Variants in TRIM48 observed in about 807,000 individuals in gnomAD.
TRIM48 encodes the protein E3 ubiquitin-protein ligase TRIM48.
Under a neutral mutation model 29.5 loss-of-function variants are expected in TRIM48, and 31 were observed. The observed-to-expected ratio is 1.05, with a 90% confidence interval of 0.79 to 1.42. The LOEUF is 1.42. Among genes scored for constraint, TRIM48 ranks in the 40% most tolerant of loss-of-function variants. TRIM48 has a pLI of 0.00. For synonymous variants in TRIM48, 128 were observed against 90.6 expected (o/e 1.41, Z -2.34); for missense variants, 344 against 265.0 (o/e 1.30, Z -2.07).
At chr11:55,267,633 C>T in intron 3 of TRIM48, 6 of 1,563,250 alleles carry the variant, frequency 3.8e-6, no homozygotes, top group Non-Finnish European at 5.2e-6. Context: ...TGTGGAGCTA[C>T]TTCAGGTACA....
chr11:55,264,141 T>TGTG (rs1590620075), intron 1 of TRIM48, among the ~76,000 whole-genome samples: 1 of 122,150 alleles, frequency 8.2e-6, no homozygotes, highest in Non-Finnish European at 1.8e-5. Context: ...CTCTTTAAGT[T>TGTG]TAACAAAAAT....
At position 55,270,574 on chromosome 11, in the gene TRIM48, G is replaced by T; in HGVS notation, c.*139G>T. 5 of 1,583,568 alleles carry T rather than the reference G, an allele frequency of 3.2e-6. 1 individual carries two copies. On this transcript the variant is annotated 3_prime_UTR_variant, in exon 6 of 6. Coordinates refer to ENST00000417545, the MANE Select transcript of TRIM48 (RefSeq NM_024114.5). ...ACCTACAAGTTTTCTTGCATGGGGT[G>T]CTCAGACTTTCACCTCTGGCAAATA...
intron 3 of TRIM48, chr11:55,267,652 A>G (rs1857413949): frequency 1.9e-6 from 3 of 1,565,562 alleles, no homozygotes; most frequent in African/African-American, 2.7e-5. Flanking sequence ...CAAACTCGCA[A>G]TGTGGTTTCA....
rs529287479 is a variant in TRIM48, at chr11:55,271,035, G to T, written c.*600G>T. The T allele has an allele frequency of 3.0e-5, 42 of 1,391,530 alleles. 6 individuals carry two copies. In the South Asian group the frequency reaches 5.9e-4, roughly 19 times the overall value. The allele number at this position is 1,391,530 out of a possible 1,614,324, so 86.2% of individuals were successfully genotyped here. A position where few individuals can be genotyped will look rare whatever the true frequency, so the allele number is the denominator to read the frequency against. ...TTATCAAACAGGACAAATAGGTTCG[G>T]TTTTATGTCTTGAATTGCATTCTAA... is the stretch of plus-strand genomic sequence containing the variant. On this transcript the variant is annotated 3_prime_UTR_variant, in exon 6 of 6. Coordinates refer to ENST00000417545, the MANE Select transcript of TRIM48 (RefSeq NM_024114.5).
Position 55,270,943 on chromosome 11 carries a change from A to G in TRIM48, c.*508A>G. On this transcript the variant is annotated 3_prime_UTR_variant, in exon 6 of 6. Coordinates refer to ENST00000417545, the MANE Select transcript of TRIM48 (RefSeq NM_024114.5). Reference sequence around the variant, plus strand: ...TTTCTGTATTCTCCTCTGACCAGAGACAAATCAGAAATGTGTTCATCTGCT... The same window carrying G: ...TTTCTGTATTCTCCTCTGACCAGAGGCAAATCAGAAATGTGTTCATCTGCT... 6.4e-7 allele frequency: 1 copy of G among 1,556,478 alleles called. No individual in the cohort carries two copies. Among genetic ancestry groups the G allele is most frequent in the South Asian group, 1.2e-5 (1 of 82,562 alleles).
At chr11:55,262,783 T>A (rs1199238976) in intron 1 of TRIM48, among the ~76,000 whole-genome samples, 1 of 146,324 alleles carries the variant, frequency 6.8e-6, no homozygotes, top group Non-Finnish European at 1.5e-5. Context: ...CATCCCAGTT[T>A]GGAAATCAAA....
Position 55,269,487 on chromosome 11 carries a change from G to T in TRIM48, c.*1+148G>T, listed in dbSNP as rs1857446091. The T allele has an allele frequency of 7.9e-6, 9 of 1,144,236 alleles. 2 individuals are homozygous for T. Among genetic ancestry groups the T allele is most frequent in the South Asian group, 3.4e-5 (2 of 59,024 alleles). 70.9% of individuals were successfully genotyped at this position (1,144,236 alleles called of 1,614,324 possible). A position where few individuals can be genotyped will look rare whatever the true frequency, so the allele number is the denominator to read the frequency against. ...AATCATGCAACCCTTTTGTATCTGT[G>T]TCTGTATAGTCAGATTTATAGCATT... is the stretch of plus-strand genomic sequence containing the variant. On this transcript the variant is annotated intron_variant, in intron 5 of 5. Transcript: ENST00000417545.
chr11:55,266,240 T>A (rs1241771196), intron 3 of TRIM48, among the ~76,000 whole-genome samples: 1 of 147,560 alleles, frequency 6.8e-6, no homozygotes, highest in Admixed American at 6.9e-5. Context: ...AAATATGGAT[T>A]TGTGTCTTGA....
Position 55,265,533 on chromosome 11 carries a change from C to A in TRIM48, c.460-67C>A, listed in dbSNP as rs762124362. On this transcript the variant is annotated intron_variant, in intron 2 of 5. Transcript: ENST00000417545. The stretch of plus-strand genomic sequence containing the variant: ...TTTGTCTCTCATTCTGGGCCCCCTC[C>A]CAATGAAACGGTCTGTATGTTACTT... 1.4e-4 allele frequency: 220 copies of A among 1,538,828 alleles called. 21 individuals are homozygous for A. Among genetic ancestry groups the A allele is most frequent in the Admixed American group, 8.9e-5 (5 of 56,280 alleles).
rs371494088 is a variant in TRIM48 at position 55,269,378 on chromosome 11, ATAT to A, written c.*1+47_*1+49del. 7.4e-5 allele frequency: 115 copies of A among 1,559,876 alleles called. 8 individuals carry two copies. In the African/African-American group the frequency reaches 1.0e-3, roughly 14 times the overall value. On this transcript the variant is annotated intron_variant, in intron 5 of 5. Coordinates refer to ENST00000417545, the MANE Select transcript of TRIM48 (RefSeq NM_024114.5). Reference sequence around the variant, plus strand: ...CACAGGCAGCACCCCCACTATCTAAATATTATTATTGTTAGGATCACATAGGTA... The same window carrying A: ...CACAGGCAGCACCCCCACTATCTAAATATTATTGTTAGGATCACATAGGTA...
At chr11:55,265,797 C>CAA (rs34036307) in intron 3 of TRIM48, 102 bp downstream of exon 3, 102,466 of 835,724 alleles carry the variant, frequency 0.12, 4,911 homozygotes, top group Admixed American at 0.22. Flanking sequence ...TTCTGGGAGT[C>CAA]AAAAAAAAAA....
rs377379499 is a variant in TRIM48 at position 55,264,978 on chromosome 11, G to T, written c.123G>T (p.Pro41=). 2 of 1,584,238 alleles carry T rather than the reference G, an allele frequency of 1.3e-6. No individual in the cohort carries two copies. Among genetic ancestry groups the T allele is most frequent in the African/African-American group, 2.7e-5 (2 of 73,524 alleles). ...TCTGCATGAACTACTTCATAGACCC[G>T]GTCACCATAGACTGTGGGCACAGCT... ...CPICMNYFID[P]VTIDCGHSFC... is the part of the protein sequence containing the mutation. The change falls in exon 2 of 6, where the codon CCG becomes CCT. Residue 41 remains proline, a synonymous_variant. Coordinates refer to ENST00000417545, the MANE Select transcript of TRIM48 (RefSeq NM_024114.5).
chr11:55,267,828 T>A (rs1857416573), intron 3 of TRIM48, among the ~76,000 whole-genome samples: 1 of 147,976 alleles, frequency 6.8e-6, no homozygotes, highest in African/African-American at 2.5e-5. Context: ...AGGTCCCTCC[T>A]ACTTTATCCA....
At position 55,270,920 on chromosome 11, in the gene TRIM48, T is replaced by G. The variant is rs574349847; in HGVS notation, c.*485T>G. ...TCACTTCCTCTCAGACCTATCTTTT[T>G]CTGTATTCTCCTCTGACCAGAGACA... On this transcript the variant is annotated 3_prime_UTR_variant, in exon 6 of 6. Coordinates refer to ENST00000417545, the MANE Select transcript of TRIM48 (RefSeq NM_024114.5). The G allele has an allele frequency of 2.2e-5, 35 of 1,557,158 alleles. 2 individuals carry two copies. Among genetic ancestry groups the G allele is most frequent in the Non-Finnish European group, 3.0e-5 (34 of 1,145,534 alleles).
At chr11:55,262,747 G>GA (rs1379623310) in intron 1 of TRIM48, among the ~76,000 whole-genome samples, 5 of 151,794 alleles carry the variant, frequency 3.3e-5, no homozygotes, top group Admixed American at 2.6e-4. Flanking sequence ...TAGTGAAACT[G>GA]AAAAAAATGA....
intron 5 of TRIM48, 81 bp from the exon 6 acceptor site, chr11:55,270,356 A>T: frequency 5.1e-6 from 6 of 1,183,622 alleles, no homozygotes; most frequent in Non-Finnish European, 6.9e-6. Context: ...TTTTGATAGA[A>T]CGATTTTTGC....
In TRIM48 at chr11:55,266,749, AGTGTGTATATGTGT is replaced by A. The variant is rs1307290928; in HGVS notation, c.555+1061_555+1074del. Among the ~76,000 whole-genome samples the A allele has an allele frequency of 2.0e-5, 3 of 147,312 alleles. No individual in the cohort carries two copies. The East Asian group carries it at 6.5e-4, about 32-fold the overall frequency. On this transcript the variant is annotated intron_variant, in intron 3 of 5. Transcript: ENST00000417545. ...TGTATGGATATATATGTGGACCATG[AGTGTGTATATGTGT>A]GTGTGTGTGTCTGTGTGTAAAATTC...
In TRIM48 at chr11:55,269,291, A is replaced by C; in HGVS notation, c.628A>C (p.Arg210=). The change falls in exon 5 of 6, where the codon AGG becomes CGG. Residue 210 remains arginine, a synonymous_variant. Transcript: ENST00000417545. ...HMPQPLNLAL[R]AGPITGLRDR... is the part of the protein sequence containing the mutation. ...GCCCCAGCCTCTGAATCTAGCGCTCAGGGCAGGGCCCATCACTGGACTGAG... is the reference window on the plus strand; with the variant it reads ...GCCCCAGCCTCTGAATCTAGCGCTCCGGGCAGGGCCCATCACTGGACTGAG... 6.3e-7 allele frequency: 1 copy of C among 1,576,344 alleles called. No homozygotes were observed.
At chr11:55,270,297 T>A (rs2120119639) in intron 5 of TRIM48, 140 bp from the exon 6 acceptor site, 4 of 642,362 alleles carry the variant, frequency 6.2e-6, no homozygotes, top group Non-Finnish European at 1.0e-5. Flanking sequence ...TTATTAGAAG[T>A]TACAAGCAAA....
Sources: gnomAD v4.1 joint callset for allele counts (sites outside exome capture counted in the v4.1 genomes callset) on GRCh38, gnomAD v4.1.1 for gene constraint, MANE v1.5 for transcripts, NCBI Gene and HGNC (gene_info 2026-07-23, HGNC 2026-07-21) for gene names.